Variants in XPO6 observed in about 807,000 individuals in gnomAD.
The protein encoded by XPO6 is exportin 6.
XPO6 carries 3 observed loss-of-function variants against 130.0 expected under a neutral mutation model. The observed-to-expected ratio is 0.02, with a 90% CI of 0.01 to 0.06. XPO6 has a LOEUF of 0.06. Ranked by LOEUF, XPO6 falls within the 10% of genes least tolerant of loss-of-function variation. XPO6 has a pLI of 1.00. For missense variants in XPO6, 970 were observed against 1,393.0 expected, an observed-to-expected ratio of 0.70 and a Z score of 4.83; for synonymous variants, 524 against 548.9, an observed-to-expected ratio of 0.95 and a Z score of 0.63.
Position 28,098,272 on chromosome 16 carries a change from T to C in XPO6, c.*266A>G. 2.6e-6 allele frequency: 1 copy of C among 378,392 alleles called. No individual in the cohort carries two copies. Among genetic ancestry groups the C allele is most frequent in the South Asian group, 4.8e-5 (1 of 20,666 alleles). 23.4% of individuals were successfully genotyped at this position (378,392 alleles called of 1,614,324 possible). On this transcript the variant is annotated 3_prime_UTR_variant, in exon 24 of 24. Coordinates refer to ENST00000304658, the MANE Select transcript of XPO6 (RefSeq NM_015171.4). ...GGTCTGCATGGGCCACCCCGCGGGA[T>C]TTCCTGGTGCCTCCTAGTACCTGGC...
At chr16:28,188,036 T>C (rs983039530) in intron 1 of XPO6, among the ~76,000 whole-genome samples, 16 of 152,172 alleles carry the variant, frequency 1.1e-4, no homozygotes, top group African/African-American at 3.9e-4. Context: ...TGTTACCTAA[T>C]GGCCTCTAAA....
chr16:28,149,569 G>A (rs2141811629), intron 8 of XPO6, among the ~76,000 whole-genome samples: 1 of 152,190 alleles, frequency 6.6e-6, no homozygotes, highest in Non-Finnish European at 1.5e-5. Flanking sequence ...CTACCCTTGT[G>A]TTACAGCTGC....
chr16:28,140,418 G>A (rs1412187409), intron 9 of XPO6, among the ~76,000 whole-genome samples: 12 of 151,922 alleles, frequency 7.9e-5, no homozygotes, highest in Non-Finnish European at 1.3e-4. Flanking sequence ...GGTGGCTCAC[G>A]CCTGTAATCC....
chr16:28,152,793 A>T lies in XPO6; in HGVS notation c.1098-8T>A. 6.2e-7 allele frequency: 1 copy of T among 1,608,992 alleles called. No homozygotes were observed. Among genetic ancestry groups the T allele is most frequent in the Non-Finnish European group, 8.5e-7 (1 of 1,178,532 alleles). ...GTAAACTTCTCGATATAGCTAAATG[A>T]GACAAGACAAAAGGTGACAATAAGA... On this transcript the variant is annotated splice_polypyrimidine_tract_variant and splice_region_variant and intron_variant, in intron 7 of 23. Coordinates refer to ENST00000304658, the MANE Select transcript of XPO6 (RefSeq NM_015171.4).
At chr16:28,190,211 GTTTCTTTC>G (rs143834762) in intron 1 of XPO6, among the ~76,000 whole-genome samples, 6 of 150,448 alleles carry the variant, frequency 4.0e-5, no homozygotes, top group African/African-American at 1.5e-4. Context: ...AGGTGCACCA[GTTTCTTTC>G]TTTATTTTTT....
intron 8 of XPO6, among the ~76,000 whole-genome samples, chr16:28,152,393 A>G (rs760043152): frequency 1.3e-5 from 2 of 152,196 alleles, no homozygotes; most frequent in Non-Finnish European, 2.9e-5. Flanking sequence ...CTCTGGGTTC[A>G]GATCCCAGCT....
intron 1 of XPO6, among the ~76,000 whole-genome samples, chr16:28,188,395 C>G (rs1398091563): frequency 2.6e-5 from 4 of 152,082 alleles, no homozygotes; most frequent in African/African-American, 9.7e-5. Context: ...AAAATGAGGA[C>G]TAGTATCCCA....
rs549216671 is a variant in XPO6 at position 28,154,000 on chromosome 16, G to A, written c.1098-1215C>T. ...TAAAAAATACATATTAATTTGTTTT[G>A]ATAAAGAGAATGGCTGTCTCTGTGG... On this transcript the variant is annotated intron_variant, in intron 7 of 23. Coordinates refer to ENST00000304658, the MANE Select transcript of XPO6 (RefSeq NM_015171.4). The A allele has an allele frequency of 8.1e-5, 80 of 985,194 alleles. No individual in the cohort carries two copies. The African/African-American group carries it at 1.3e-3, about 17-fold the overall frequency. 61.0% of individuals were successfully genotyped at this position (985,194 alleles called of 1,614,324 possible).
At chr16:28,124,055 T>C (rs1384289591) in intron 13 of XPO6, among the ~76,000 whole-genome samples, 2 of 142,418 alleles carry the variant, frequency 1.4e-5, no homozygotes, top group South Asian at 2.2e-4. Flanking sequence ...CTGACAGATA[T>C]ACCTTTTTTT....
intron 1 of XPO6, among the ~76,000 whole-genome samples, chr16:28,187,541 G>A (rs957961398): frequency 6.6e-6 from 1 of 151,704 alleles, no homozygotes; most frequent in Non-Finnish European, 1.5e-5. Flanking sequence ...AACATATTGG[G>A]TCATTCTGAG....
At chr16:28,205,785 C>T (rs556147025) in intron 1 of XPO6, among the ~76,000 whole-genome samples, 2 of 152,176 alleles carry the variant, frequency 1.3e-5, no homozygotes, top group African/African-American at 4.8e-5. Flanking sequence ...CGCCTGTAAT[C>T]CCAGCACTTC....
intron 9 of XPO6, among the ~76,000 whole-genome samples, chr16:28,138,908 A>G (rs2042832239): frequency 6.6e-6 from 1 of 152,214 alleles, no homozygotes; most frequent in African/African-American, 2.4e-5. Context: ...ACTCAAAGAG[A>G]CACAACTTCT....
At chr16:28,104,258 G>C (rs1445886762) in intron 21 of XPO6, among the ~76,000 whole-genome samples, 10 of 152,192 alleles carry the variant, frequency 6.6e-5, no homozygotes, top group Non-Finnish European at 1.5e-5. Context: ...TACACTTGGG[G>C]AAACAGCACT....
intron 17 of XPO6, chr16:28,111,534 C>CACCA (rs2086921017): frequency 3.0e-6 from 1 of 331,566 alleles, no homozygotes. Context: ...AGACAGAAGG[C>CACCA]ACCATCACCA....
chr16:28,100,232 C>T (rs893775988), intron 23 of XPO6, among the ~76,000 whole-genome samples: 2 of 152,204 alleles, frequency 1.3e-5, no homozygotes, highest in Non-Finnish European at 2.9e-5. Flanking sequence ...TCAAGTGATC[C>T]GCCCGCCTTG....
chr16:28,169,601 T>C (rs1349373023), intron 5 of XPO6, 149 bp downstream of exon 5: 1 of 922,618 alleles, frequency 1.1e-6, no homozygotes, highest in Non-Finnish European at 1.6e-6. Context: ...TGCTAGACCC[T>C]GGGCTATAGG....
chr16:28,109,243 A>T (rs1328121786), intron 17 of XPO6, among the ~76,000 whole-genome samples: 10 of 152,198 alleles, frequency 6.6e-5, no homozygotes, highest in Non-Finnish European at 1.2e-4. Context: ...TGGGGTGGGT[A>T]ACTGTTATAC....
chr16:28,107,918 C>G (rs1407278535), intron 17 of XPO6, among the ~76,000 whole-genome samples: 1 of 152,142 alleles, frequency 6.6e-6, no homozygotes, highest in Non-Finnish European at 1.5e-5. Context: ...GGAGAAGATG[C>G]CTGCCTGCCT....
At chr16:28,185,669 AG>A (rs910446770) in intron 1 of XPO6, among the ~76,000 whole-genome samples, 13 of 152,210 alleles carry the variant, frequency 8.5e-5, no homozygotes, top group African/African-American at 2.9e-4. Flanking sequence ...ATAAGCCTGC[AG>A]GTAACAGTGT....
Sources: allele counts gnomAD v4.1 joint callset (sites outside exome capture counted in the v4.1 genomes callset), GRCh38; gene constraint gnomAD v4.1.1; transcripts MANE v1.5; gene names NCBI Gene and HGNC (gene_info 2026-07-23, HGNC 2026-07-21).